The following MAN1C1 variants were observed in gnomAD, a reference collection of about 807,000 sequenced individuals.
MAN1C1 encodes mannosyl-oligosaccharide 1,2-alpha-mannosidase IC.
MAN1C1 carries 49 observed loss-of-function variants against 71.5 expected under a neutral mutation model. The observed-to-expected ratio is 0.69, with a 90% CI of 0.54 to 0.87. MAN1C1 has a LOEUF of 0.87. MAN1C1 is among the 40% of genes least tolerant of loss of function. MAN1C1 has a pLI of 0.00. For synonymous variants in MAN1C1, 352 were observed against 343.7 expected, an observed-to-expected ratio of 1.02 and a Z score of -0.27; for missense variants, 743 against 835.0, an observed-to-expected ratio of 0.89 and a Z score of 1.36.
At chr1:25,654,557 C>T (rs1246024927) in intron 1 of MAN1C1, among the ~76,000 whole-genome samples, 1 of 152,198 alleles carries the variant, frequency 6.6e-6, no homozygotes, top group Non-Finnish European at 1.5e-5. Flanking sequence ...TTTGCTTTTA[C>T]TTTAATCTGT....
At chr1:25,677,670 G>A (rs1051665774) in intron 1 of MAN1C1, among the ~76,000 whole-genome samples, 5 of 151,938 alleles carry the variant, frequency 3.3e-5, no homozygotes, top group African/African-American at 4.8e-5. Flanking sequence ...TGTCCTGGCC[G>A]AGGCAAGTCC....
intron 1 of MAN1C1, among the ~76,000 whole-genome samples, chr1:25,630,841 A>G (rs923675680): frequency 6.6e-5 from 10 of 152,230 alleles, no homozygotes; most frequent in African/African-American, 2.4e-4. Context: ...GTATACAGTC[A>G]TATCATCTGT....
rs1020542635 is a variant in MAN1C1 at position 25,769,198 on chromosome 1, C to G, written c.1142-2459C>G. Among the ~76,000 whole-genome samples, 1 of 150,636 alleles carries G rather than the reference C, an allele frequency of 6.6e-6. No individual in the cohort carries two copies. The highest frequency in any genetic ancestry group is 1.5e-5 in the Non-Finnish European group (1 of 67,554). On this transcript the variant is annotated intron_variant, in intron 7 of 11. Transcript: ENST00000374332. This position sits in a 1 kb window ranked among gnomAD's most constrained non-coding sequence, Gnocchi z 4.8. ...ACACATTACACACACTCGCCTCATG[C>G]ACACACCCCACACACTACACATAGT... is the stretch of plus-strand genomic sequence containing the variant.
At chr1:25,673,418 T>A (rs912271106) in intron 1 of MAN1C1, among the ~76,000 whole-genome samples, 1 of 152,222 alleles carries the variant, frequency 6.6e-6, no homozygotes, top group Admixed American at 6.5e-5. Context: ...GCTTACTTGC[T>A]ATGATACTTG....
intron 2 of MAN1C1, among the ~76,000 whole-genome samples, chr1:25,716,249 T>C (rs2046679166): frequency 6.6e-6 from 1 of 152,170 alleles, no homozygotes. Context: ...TGAAGGAGAA[T>C]GGATATTAGG....
chr1:25,652,900 C>A (rs1412356044), intron 1 of MAN1C1, among the ~76,000 whole-genome samples: 2 of 152,150 alleles, frequency 1.3e-5, no homozygotes, highest in Non-Finnish European at 2.9e-5. Context: ...GGACTGCAGG[C>A]ATGCACCGCC....
chr1:25,644,516 A>AT lies in MAN1C1; in HGVS notation c.540+26180dup, dbSNP rs1298415349. On this transcript the variant is annotated intron_variant, in intron 1 of 11. Coordinates refer to ENST00000374332, the MANE Select transcript of MAN1C1 (RefSeq NM_020379.4). ...CAGAGACATATATATATATATATAT[A>AT]TATTTTTTTTTTTTTTTTTTTTTTT... 331 of 72,270 alleles carry AT rather than the reference A, an allele frequency of 4.6e-3. 7 individuals are homozygous for AT. The highest frequency in any genetic ancestry group is 5.5e-3 in the African/African-American group (57 of 10,426). The allele number at this position is 72,270 out of a possible 1,614,324, so 4.5% of individuals were successfully genotyped here.
At chr1:25,758,487 G>A in intron 5 of MAN1C1, 105 bp from the exon 6 acceptor site, 1 of 917,400 alleles carries the variant, frequency 1.1e-6, no homozygotes, top group Non-Finnish European at 1.8e-6. Context: ...CTGGTTCCAT[G>A]CCTGTCACAT....
At chr1:25,653,530 G>T (rs991901562) in intron 1 of MAN1C1, among the ~76,000 whole-genome samples, 1 of 152,184 alleles carries the variant, frequency 6.6e-6, no homozygotes. Context: ...CCTGGAGGAG[G>T]ACCTCTGGCT....
intron 1 of MAN1C1, among the ~76,000 whole-genome samples, chr1:25,656,140 T>C (rs1319663868): frequency 3.0e-5 from 4 of 134,938 alleles, no homozygotes; most frequent in Admixed American, 1.6e-4. Flanking sequence ...CTCTGTCGCC[T>C]AGGCTGGAGT....
At chr1:25,754,623 G>C (rs2047261069) in intron 5 of MAN1C1, among the ~76,000 whole-genome samples, 1 of 152,058 alleles carries the variant, frequency 6.6e-6, no homozygotes, top group Non-Finnish European at 1.5e-5. Context: ...TCTCTGCTCA[G>C]ATCCCTCTTC....
chr1:25,783,807 G>A lies in MAN1C1; in HGVS notation c.*18G>A, dbSNP rs116631146. On this transcript the variant is annotated 3_prime_UTR_variant, in exon 12 of 12. Coordinates refer to ENST00000374332, the MANE Select transcript of MAN1C1 (RefSeq NM_020379.4). ...GACACTGACCCCATCTCCTGCCGCC[G>A]CCCTGGGGCCGCCGCAGGGATGCCT... 139,460 of 1,605,072 alleles carry A rather than the reference G, an allele frequency of 0.087. 7,093 individuals carry two copies. Among genetic ancestry groups the A allele is most frequent in the Non-Finnish European group, 0.1 (122,395 of 1,178,174 alleles).
chr1:25,737,627 C>T (rs2047000513), intron 2 of MAN1C1, among the ~76,000 whole-genome samples: 1 of 152,196 alleles, frequency 6.6e-6, no homozygotes, highest in Non-Finnish European at 1.5e-5. Context: ...AGCCACTGCA[C>T]CCTGGGATTC....
chr1:25,644,543 T>C (rs1250235452), intron 1 of MAN1C1: 1 of 135,628 alleles, frequency 7.4e-6, no homozygotes. Context: ...TTTTTTTTTT[T>C]GAGACAAGGT....
chr1:25,621,433 C>G (rs1186070207), intron 1 of MAN1C1, among the ~76,000 whole-genome samples: 1 of 152,088 alleles, frequency 6.6e-6, no homozygotes, highest in Non-Finnish European at 1.5e-5. Flanking sequence ...CCTTTCAGAT[C>G]TGAGGATAAT....
At chr1:25,637,110 G>A (rs548330694) in intron 1 of MAN1C1, among the ~76,000 whole-genome samples, 41 of 152,016 alleles carry the variant, frequency 2.7e-4, no homozygotes, top group South Asian at 8.3e-4. Flanking sequence ...AGCTGAGATC[G>A]CGCCACTGCA....
At chr1:25,766,563 C>G (rs2047429832) in intron 7 of MAN1C1, among the ~76,000 whole-genome samples, 1 of 152,192 alleles carries the variant, frequency 6.6e-6, no homozygotes, top group African/African-American at 2.4e-5. Flanking sequence ...ACCTAGGCCT[C>G]TGCTCTTGTT....
At chr1:25,627,193 T>C (rs540512732) in intron 1 of MAN1C1, among the ~76,000 whole-genome samples, 21 of 152,254 alleles carry the variant, frequency 1.4e-4, no homozygotes, top group Non-Finnish European at 2.8e-4. Context: ...ATATACAATA[T>C]GGTTTTGTTT....
chr1:25,736,755 G>A (rs191352054), intron 2 of MAN1C1, among the ~76,000 whole-genome samples: 12 of 152,230 alleles, frequency 7.9e-5, no homozygotes, highest in Middle Eastern at 3.4e-3. Flanking sequence ...TTGAACTCCC[G>A]GGCTCAAGCG....
Sources: allele counts gnomAD v4.1 joint callset (sites outside exome capture counted in the v4.1 genomes callset), GRCh38; gene constraint gnomAD v4.1.1; non-coding constraint Gnocchi (gnomAD v3.1); transcripts MANE v1.5; gene names NCBI Gene and HGNC (gene_info 2026-07-23, HGNC 2026-07-21).